Variants in DNAI4 observed in about 807,000 individuals in gnomAD.
DNAI4 encodes WD repeat domain 78.
In DNAI4, 85 loss-of-function variants were observed where a neutral mutation model predicts 105.8. That is an observed-to-expected ratio of 0.80 (90% CI 0.67 to 0.96). The LOEUF (loss-of-function observed/expected upper bound fraction) is 0.96. Among genes scored for constraint, DNAI4 ranks in the 40% least tolerant of loss-of-function variants. The probability of loss-of-function intolerance (pLI) is 0.00; values close to 1 mark genes in which losing one functional copy is unlikely to be tolerated. For synonymous variants in DNAI4, 352 were observed against 331.5 expected (o/e 1.06, Z -0.67); for missense variants, 1,014 against 1,005.6 (o/e 1.01, Z -0.11).
chr1:66,831,064 T>TC (rs1645857474), intron 13 of DNAI4, among the ~76,000 whole-genome samples: 2 of 151,106 alleles, frequency 1.3e-5, no homozygotes, highest in South Asian at 4.2e-4. Flanking sequence ...GTCAATAGAT[T>TC]CCACAACTTC....
chr1:66,913,277 AT>A (rs1649796820), intron 1 of DNAI4, among the ~76,000 whole-genome samples: 1 of 151,958 alleles, frequency 6.6e-6, no homozygotes, highest in African/African-American at 2.4e-5. Context: ...GTTGTTGGGG[AT>A]TTTTGTTGTT....
At chr1:66,899,865 C>A (rs1648659146) in intron 2 of DNAI4, among the ~76,000 whole-genome samples, 1 of 152,120 alleles carries the variant, frequency 6.6e-6, no homozygotes, top group African/African-American at 2.4e-5. Flanking sequence ...AATCAGTTGA[C>A]TTTAGGTAAA....
rs774662919 is a variant in DNAI4, at chr1:66,924,742, C to CT, written c.89dup (p.Trp32ValfsTer37). On this transcript the variant is annotated frameshift_variant, in exon 1 of 17. Transcript: ENST00000371026. LOFTEE classifies it high-confidence loss of function. ...CCAGCTGGGGAGTGGTGCACCACCC[C>CT]TTTTTTTGGCCGCCTCTGAAGTCCC... 3 of 1,614,066 alleles carry CT rather than the reference C, an allele frequency of 1.9e-6. No homozygotes were observed. The highest frequency in any genetic ancestry group is 1.7e-6 in the Non-Finnish European group (2 of 1,179,982).
intron 3 of DNAI4, among the ~76,000 whole-genome samples, chr1:66,892,991 AAGAAAGAGAGAAAGAG>A (rs1310148033): frequency 3.7e-5 from 4 of 108,062 alleles, no homozygotes; most frequent in African/African-American, 1.7e-4. Flanking sequence ...GAAAGAAAGA[AAGAAAGAGAGAAAGAG>A]AGAGAGGAAA....
At chr1:66,848,006 T>G in intron 7 of DNAI4, 1 of 356,020 alleles carries the variant, frequency 2.8e-6, no homozygotes, top group South Asian at 2.3e-5. Flanking sequence ...TGATTATTGC[T>G]ATACAGAAAT....
intron 8 of DNAI4, among the ~76,000 whole-genome samples, chr1:66,846,075 G>C (rs1327544005): frequency 6.6e-6 from 1 of 151,862 alleles, no homozygotes; most frequent in Admixed American, 6.6e-5. Flanking sequence ...TCTTAGATGT[G>C]TTGAAAGAAG....
At chr1:66,894,410 C>G (rs966404884) in intron 2 of DNAI4, among the ~76,000 whole-genome samples, 2 of 151,942 alleles carry the variant, frequency 1.3e-5, no homozygotes, top group Non-Finnish European at 2.9e-5. Flanking sequence ...TGTATGAGTC[C>G]TTTCAGTTGT....
At chr1:66,907,297 C>A (rs761729240) in intron 1 of DNAI4, among the ~76,000 whole-genome samples, 1 of 152,202 alleles carries the variant, frequency 6.6e-6, no homozygotes, top group African/African-American at 2.4e-5. Context: ...GACCTCTAAT[C>A]ACCTGACCTT....
chr1:66,878,282 T>A (rs1646999941), intron 4 of DNAI4, among the ~76,000 whole-genome samples: 1 of 152,198 alleles, frequency 6.6e-6, no homozygotes, highest in South Asian at 2.1e-4. Flanking sequence ...CCTTTTGCCA[T>A]TGTGAGCTCT....
chr1:66,817,072 T>C (rs1194479248), intron 16 of DNAI4, among the ~76,000 whole-genome samples: 1 of 152,208 alleles, frequency 6.6e-6, no homozygotes, highest in Non-Finnish European at 1.5e-5. Context: ...ATTTGTCATA[T>C]TAACACATTA....
chr1:66,836,610 A>G (rs1462474826), intron 10 of DNAI4, among the ~76,000 whole-genome samples: 1 of 152,202 alleles, frequency 6.6e-6, no homozygotes, highest in Non-Finnish European at 1.5e-5. Context: ...TCTAATTTAA[A>G]TCCTTTCCTG....
At chr1:66,857,913 T>C (rs1037989237) in intron 7 of DNAI4, among the ~76,000 whole-genome samples, 1 of 151,984 alleles carries the variant, frequency 6.6e-6, no homozygotes, top group South Asian at 2.1e-4. Context: ...ATAACTTAGA[T>C]TGAAATGGAA....
Position 66,835,753 on chromosome 1 carries a change from G to A in DNAI4, c.1606C>T (p.Pro536Ser). 6.2e-7 allele frequency: 1 copy of A among 1,613,996 alleles called. No individual in the cohort carries two copies. Among genetic ancestry groups the A allele is most frequent in the African/African-American group, 1.3e-5 (1 of 75,024 alleles). ...PMWPERIYQS[P>S]YGVTAVDFSI... Reference sequence around the variant, plus strand: ...AAATCCACAGCAGTAACTCCATATGGACTCTGATAAATACGTTCTGGCCAC... The same window carrying A: ...AAATCCACAGCAGTAACTCCATATGAACTCTGATAAATACGTTCTGGCCAC... The change falls in exon 11 of 17, where the codon CCA becomes TCA. Residue 536 changes from proline to serine, a missense_variant. Physicochemically the swap from Pro to Ser is moderately conservative, Grantham distance 74. Coordinates refer to ENST00000371026, the MANE Select transcript of DNAI4 (RefSeq NM_024763.5).
chr1:66,827,671 A>C, intron 14 of DNAI4, 141 bp downstream of exon 14: 1 of 415,060 alleles, frequency 2.4e-6, no homozygotes, highest in Non-Finnish European at 4.4e-6. Context: ...GGTGGTTTCC[A>C]TAGAAGAAAA....
At chr1:66,844,195 A>C (rs1646221217) in intron 8 of DNAI4, among the ~76,000 whole-genome samples, 1 of 151,810 alleles carries the variant, frequency 6.6e-6, no homozygotes, top group South Asian at 2.1e-4. Context: ...CACTATAATG[A>C]TCTTTTTACT....
intron 15 of DNAI4, among the ~76,000 whole-genome samples, chr1:66,824,677 A>G (rs1645711223): frequency 6.6e-6 from 1 of 151,904 alleles, no homozygotes; most frequent in African/African-American, 2.4e-5. Flanking sequence ...AGCAATTGTG[A>G]ATGGGAATTC....
chr1:66,919,381 T>C (rs1036411251), intron 1 of DNAI4, among the ~76,000 whole-genome samples: 1 of 152,218 alleles, frequency 6.6e-6, no homozygotes, highest in Non-Finnish European at 1.5e-5. Flanking sequence ...TTCCTCTATT[T>C]AAGGAGAACA....
At chr1:66,846,510 G>A (rs1646278579) in intron 8 of DNAI4, among the ~76,000 whole-genome samples, 1 of 152,112 alleles carries the variant, frequency 6.6e-6, no homozygotes, top group Non-Finnish European at 1.5e-5. Flanking sequence ...ACTAAGGCAG[G>A]AAAATGTAGG....
At chr1:66,843,983 T>A (rs1283029571) in intron 8 of DNAI4, among the ~76,000 whole-genome samples, 1 of 145,460 alleles carries the variant, frequency 6.9e-6, no homozygotes, top group Non-Finnish European at 1.5e-5. Flanking sequence ...CAATTTTCCA[T>A]TTTAAGAAAC....
Sources: allele counts gnomAD v4.1 joint callset (sites outside exome capture counted in the v4.1 genomes callset), GRCh38; gene constraint gnomAD v4.1.1; transcripts MANE v1.5; gene names NCBI Gene and HGNC (gene_info 2026-07-23, HGNC 2026-07-21).